The following CPNE2 variants were observed in gnomAD, a reference collection of about 807,000 sequenced individuals.
CPNE2 encodes copine 2, also known as copine-2.
In CPNE2, 42 loss-of-function variants were observed where a neutral mutation model predicts 69.7. The ratio of observed to expected loss-of-function variants is 0.60; its 90% CI spans 0.47 to 0.78. The LOEUF (loss-of-function observed/expected upper bound fraction) is 0.78. Ranked by LOEUF, CPNE2 falls within the 30% of genes least tolerant of loss-of-function variation. The pLI, the probability that CPNE2 is intolerant of heterozygous loss-of-function variation, is 0.00. For missense variants in CPNE2, 587 were observed against 732.0 expected (o/e 0.80, Z 2.29); for synonymous variants, 294 against 289.8 (o/e 1.01, Z -0.15).
chr16:57,124,063 C>CTTTCTTTTCT (rs377529014), intron 10 of CPNE2: 1 of 177,496 alleles, frequency 5.6e-6, no homozygotes, highest in African/African-American at 2.4e-5. Context: ...TTCCTATTTT[C>CTTTCTTTTCT]TTTCTTTTCT....
At chr16:57,115,388 G>A in intron 3 of CPNE2, 88 bp from the exon 4 acceptor site, 2 of 1,093,112 alleles carry the variant, frequency 1.8e-6, no homozygotes. Flanking sequence ...GCCCTGCCAA[G>A]AGGATTTTTC....
intron 1 of CPNE2, among the ~76,000 whole-genome samples, chr16:57,102,641 G>A (rs1284878922): frequency 1.4e-5 from 2 of 145,970 alleles, no homozygotes; most frequent in Non-Finnish European, 3.0e-5. Flanking sequence ...TCCCTGTGTT[G>A]CCCAGGCTGG....
At chr16:57,095,787 G>A (rs1320196944) in intron 1 of CPNE2, among the ~76,000 whole-genome samples, 3 of 152,150 alleles carry the variant, frequency 2.0e-5, no homozygotes, top group East Asian at 1.9e-4. Context: ...TTACTTATCT[G>A]GCCACACTTG....
At chr16:57,135,873 C>CAAA (rs750583046) in intron 13 of CPNE2, among the ~76,000 whole-genome samples, 2 of 69,214 alleles carry the variant, frequency 2.9e-5, no homozygotes, top group African/African-American at 1.1e-4. Context: ...GACTCTGTCT[C>CAAA]AAAAAAAAAA....
intron 10 of CPNE2, chr16:57,125,241 C>G: frequency 2.2e-6 from 1 of 455,442 alleles, no homozygotes; most frequent in Non-Finnish European, 4.4e-6. Flanking sequence ...CCCCGAGTCC[C>G]TGTTAATAAG....
At chr16:57,116,955 GC>G (rs1366333386) in intron 4 of CPNE2, among the ~76,000 whole-genome samples, 1 of 152,210 alleles carries the variant, frequency 6.6e-6, no homozygotes, top group Admixed American at 6.5e-5. Flanking sequence ...GCCCAGCTAG[GC>G]CATCACTGGC....
Position 57,092,713 on chromosome 16 carries a change from C to A in CPNE2, c.-113C>A, listed in dbSNP as rs2069551510. On this transcript the variant is annotated 5_prime_UTR_variant, in exon 1 of 16. Coordinates refer to ENST00000290776, the MANE Select transcript of CPNE2 (RefSeq NM_152727.6). This position sits in a 1 kb window ranked among gnomAD's most constrained non-coding sequence, Gnocchi z 5.3. ...CGGGCCCGGCCGAGCAGGAGCAGCTCCCGGGGATGCCCGGGCGGCTCGGAG... is the reference window on the plus strand; with the variant it reads ...CGGGCCCGGCCGAGCAGGAGCAGCTACCGGGGATGCCCGGGCGGCTCGGAG... The A allele has an allele frequency of 1.3e-5, 2 of 149,872 alleles. No homozygotes were observed. Among genetic ancestry groups the A allele is most frequent in the Non-Finnish European group, 3.0e-5 (2 of 67,312 alleles). 9.3% of individuals were successfully genotyped at this position (149,872 alleles called of 1,614,324 possible). A position where few individuals can be genotyped will look rare whatever the true frequency, so the allele number is the denominator to read the frequency against.
At chr16:57,139,636 A>G (rs1344833899) in intron 14 of CPNE2, among the ~76,000 whole-genome samples, 1 of 152,196 alleles carries the variant, frequency 6.6e-6, no homozygotes, top group African/African-American at 2.4e-5. Flanking sequence ...GTTAGAAGCA[A>G]GATGGAGTCA....
chr16:57,125,744 A>T (rs1482286246), intron 10 of CPNE2, 116 bp from the exon 11 acceptor site: 2 of 1,261,554 alleles, frequency 1.6e-6, no homozygotes, highest in Non-Finnish European at 2.2e-6. Flanking sequence ...TATTGTGGGG[A>T]GGGCTGGGAG....
intron 13 of CPNE2, among the ~76,000 whole-genome samples, chr16:57,135,744 C>T (rs768008260): frequency 3.3e-5 from 5 of 150,830 alleles, no homozygotes; most frequent in Admixed American, 6.6e-5. Context: ...CGTGGTGGTG[C>T]GCACCTGTAA....
At chr16:57,109,791 T>C (rs1270887990) in intron 1 of CPNE2, among the ~76,000 whole-genome samples, 1 of 152,218 alleles carries the variant, frequency 6.6e-6, no homozygotes, top group Non-Finnish European at 1.5e-5. Context: ...TTATGCCCTG[T>C]ATCTTGTGCT....
intron 1 of CPNE2, among the ~76,000 whole-genome samples, chr16:57,094,458 G>A (rs975351135): frequency 5.9e-5 from 9 of 152,146 alleles, no homozygotes; most frequent in African/African-American, 2.2e-4. Flanking sequence ...GGAAGAAGAT[G>A]GCTGAGAATG....
intron 14 of CPNE2, among the ~76,000 whole-genome samples, chr16:57,139,371 A>G (rs2069905321): frequency 6.6e-6 from 1 of 152,216 alleles, no homozygotes; most frequent in Admixed American, 6.5e-5. Flanking sequence ...CACTGATCTT[A>G]GGTTTCACAG....
Position 57,121,737 on chromosome 16 carries a change from A to G in CPNE2, c.844A>G (p.Ile282Val). Residue 282 changes from isoleucine to valine, a missense_variant, in exon 9 of 16, where the codon ATC becomes GTC. Coordinates refer to ENST00000290776, the MANE Select transcript of CPNE2 (RefSeq NM_152727.6). ...GAAGAAGAACTATAAAAACTCGGGC[A>G]TCATCATCCTGCGATCCTGCAAGGT... ...RKKKNYKNSG[I>V]IILRSCKINR... 1 of 1,614,214 alleles carries G rather than the reference A, an allele frequency of 6.2e-7. No individual in the cohort carries two copies. The highest frequency in any genetic ancestry group is 8.5e-7 in the Non-Finnish European group (1 of 1,180,034).
intron 12 of CPNE2, among the ~76,000 whole-genome samples, chr16:57,128,590 A>T (rs2069816831): frequency 6.6e-6 from 1 of 152,254 alleles, no homozygotes; most frequent in South Asian, 2.1e-4. Flanking sequence ...CTTATACTTA[A>T]ATCATCCATT....
chr16:57,147,451 C>T, intron 15 of CPNE2, 100 bp from the exon 16 acceptor site: 1 of 807,728 alleles, frequency 1.2e-6, no homozygotes, highest in Middle Eastern at 2.5e-4. Context: ...CCTCAATGGA[C>T]ACCTGCTGTA....
At position 57,125,883 on chromosome 16, in the gene CPNE2, C is replaced by T. The variant is rs151128903; in HGVS notation, c.951C>T (p.Ser317=). 68 of 1,614,086 alleles carry T rather than the reference C, an allele frequency of 4.2e-5. No individual in the cohort carries two copies. Among genetic ancestry groups the T allele is most frequent in the Non-Finnish European group, 5.6e-5 (66 of 1,180,034 alleles). The change falls in exon 11 of 16, where the codon TCC becomes TCT. Residue 317 remains serine (S), a synonymous_variant. Coordinates refer to ENST00000290776, the MANE Select transcript of CPNE2 (RefSeq NM_152727.6). ...AGGTTGGAATAGACTTTACAGCCTC[C>T]AACGGGAATCCCCTCGACCCTTCCT... The part of the protein sequence containing the change: ...MFTVGIDFTA[S]NGNPLDPSSL...
intron 1 of CPNE2, among the ~76,000 whole-genome samples, chr16:57,103,725 C>A (rs2069630542): frequency 6.6e-6 from 1 of 152,220 alleles, no homozygotes; most frequent in African/African-American, 2.4e-5. Context: ...GCCGGCCCAG[C>A]AGCTCCTCCC....
chr16:57,119,396 G>A, intron 6 of CPNE2, 118 bp downstream of exon 6: 1 of 1,160,458 alleles, frequency 8.6e-7, no homozygotes, highest in South Asian at 1.2e-5. Flanking sequence ...ACCCACAGTG[G>A]CACCTGAGGG....
Sources: gnomAD v4.1 joint callset for allele counts (sites outside exome capture counted in the v4.1 genomes callset) on GRCh38, gnomAD v4.1.1 for gene constraint, Gnocchi (gnomAD v3.1) non-coding constraint, MANE v1.5 for transcripts, NCBI Gene and HGNC (gene_info 2026-07-23, HGNC 2026-07-21) for gene names.